DCHS2: variants seen among roughly 807,000 people sequenced by gnomAD.
DCHS2 encodes protocadherin-23.
Under a neutral mutation model 182.4 loss-of-function variants are expected in DCHS2, and 142 were observed. That is an observed-to-expected ratio of 0.78 (90% CI 0.68 to 0.89). The LOEUF (loss-of-function observed/expected upper bound fraction) is 0.89. DCHS2 is among the 40% of genes least tolerant of loss of function. The pLI, the probability that DCHS2 is intolerant of heterozygous loss-of-function variation, is 0.00. For synonymous variants in DCHS2, 1,740 were observed against 1,663.3 expected (o/e 1.05, Z -1.12); for missense variants, 4,319 against 4,198.6 (o/e 1.03, Z -0.79).
At chr4:154,440,588 T>C (rs1733967727) in intron 1 of DCHS2, among the ~76,000 whole-genome samples, 1 of 152,210 alleles carries the variant, frequency 6.6e-6, no homozygotes, top group Non-Finnish European at 1.5e-5. Context: ...TCATAATTTT[T>C]TTTTATTTCC....
chr4:154,297,844 C>T lies in DCHS2; in HGVS notation c.6463+7G>A, dbSNP rs1262064692. ...ACAATATATGAAAAACTTGAAGGGA[C>T]ACTCACCTGCCTCACAATTTTCAGT... On this transcript the variant is annotated splice_region_variant and intron_variant, in intron 13 of 19. Transcript: ENST00000357232. 1 of 1,599,914 alleles carries T rather than the reference C, an allele frequency of 6.3e-7. No individual in the cohort carries two copies. Among genetic ancestry groups the T allele is most frequent in the Non-Finnish European group, 8.5e-7 (1 of 1,172,778 alleles).
chr4:154,398,906 T>C (rs1293103877), intron 1 of DCHS2, among the ~76,000 whole-genome samples: 1 of 152,216 alleles, frequency 6.6e-6, no homozygotes, highest in Non-Finnish European at 1.5e-5. Context: ...GCAGAGGCTT[T>C]AAAAGGACAG....
intron 10 of DCHS2, among the ~76,000 whole-genome samples, chr4:154,306,962 T>C (rs1395672125): frequency 6.6e-6 from 1 of 152,164 alleles, no homozygotes; most frequent in Non-Finnish European, 1.5e-5. Context: ...TGTTCTATTA[T>C]TCTATACAGG....
intron 1 of DCHS2, among the ~76,000 whole-genome samples, chr4:154,397,813 TGAG>T (rs1445274369): frequency 4.6e-5 from 7 of 152,180 alleles, no homozygotes; most frequent in African/African-American, 1.7e-4. Context: ...CTTCTCAAAA[TGAG>T]GAGATGAGGG....
At chr4:154,290,776 C>T (rs1175079923) in intron 13 of DCHS2, among the ~76,000 whole-genome samples, 1 of 152,024 alleles carries the variant, frequency 6.6e-6, no homozygotes, top group East Asian at 1.9e-4. Context: ...TCACCACATA[C>T]AAAAATTAAA....
intron 13 of DCHS2, among the ~76,000 whole-genome samples, chr4:154,276,531 T>A (rs10517590): frequency 0.57 from 86,048 of 152,028 alleles, 24,777 homozygotes; most frequent in African/African-American, 0.63. Flanking sequence ...TTTATGTTTG[T>A]TATTCCTAAG....
intron 1 of DCHS2, among the ~76,000 whole-genome samples, chr4:154,400,436 C>T (rs1470650471): frequency 6.7e-6 from 1 of 149,688 alleles, no homozygotes; most frequent in African/African-American, 2.4e-5. Flanking sequence ...TCTTCAGTAA[C>T]CACCCATCGA....
intron 1 of DCHS2, among the ~76,000 whole-genome samples, chr4:154,379,309 G>A (rs1010520357): frequency 3.3e-5 from 5 of 152,204 alleles, no homozygotes; most frequent in East Asian, 1.9e-4. Context: ...CCCAGAAGCC[G>A]TGCTCAGCTC....
intron 1 of DCHS2, chr4:154,486,437 G>T: frequency 7.7e-7 from 1 of 1,304,618 alleles, no homozygotes; most frequent in Non-Finnish European, 1.0e-6. Flanking sequence ...TTATCTTACA[G>T]GAAATCTAGG....
chr4:154,243,071 G>A (rs961592328), intron 16 of DCHS2, among the ~76,000 whole-genome samples: 3 of 152,082 alleles, frequency 2.0e-5, no homozygotes, highest in Non-Finnish European at 4.4e-5. Context: ...CCTGTCCTGT[G>A]AAGAATAATC....
intron 12 of DCHS2, among the ~76,000 whole-genome samples, chr4:154,299,509 C>T (rs181600790): frequency 1.9e-3 from 283 of 152,096 alleles, no homozygotes; most frequent in Middle Eastern, 3.4e-3. Flanking sequence ...AAGAGCAGGC[C>T]CAATAGTGTG....
intron 1 of DCHS2, among the ~76,000 whole-genome samples, chr4:154,378,662 T>A (rs1731036704): frequency 6.6e-6 from 1 of 152,156 alleles, no homozygotes; most frequent in African/African-American, 2.4e-5. Flanking sequence ...ACTCTTCAGA[T>A]CAGACAAGTC....
intron 3 of DCHS2, among the ~76,000 whole-genome samples, chr4:154,364,111 T>C (rs558913791): frequency 6.6e-6 from 1 of 152,330 alleles, no homozygotes; most frequent in East Asian, 1.9e-4. Context: ...CCATATAAAT[T>C]TGGTCTTTGC....
At chr4:154,248,006 G>A (rs1732164874) in intron 16 of DCHS2, among the ~76,000 whole-genome samples, 1 of 152,152 alleles carries the variant, frequency 6.6e-6, no homozygotes, top group African/African-American at 2.4e-5. Context: ...AGGGCATAAA[G>A]CAGTAGGAAC....
chr4:154,366,511 T>C (rs1371816643), intron 2 of DCHS2, 70 bp from the exon 3 acceptor site: 5 of 1,015,096 alleles, frequency 4.9e-6, no homozygotes, highest in South Asian at 1.4e-5. Flanking sequence ...TAATTGACAA[T>C]GGCCCTACAA....
chr4:154,343,461 T>C (rs1336413701), intron 3 of DCHS2: 12 of 1,435,720 alleles, frequency 8.4e-6, no homozygotes, highest in Non-Finnish European at 1.1e-5. Context: ...TTGTTTAGTG[T>C]AACCACCTTC....
At chr4:154,250,104 C>T (rs993207153) in intron 16 of DCHS2, among the ~76,000 whole-genome samples, 3 of 152,090 alleles carry the variant, frequency 2.0e-5, no homozygotes, top group South Asian at 2.1e-4. Flanking sequence ...GAAATGTGAG[C>T]ATCCATGGAT....
chr4:154,414,038 TC>T (rs930715432), intron 1 of DCHS2, among the ~76,000 whole-genome samples: 9 of 152,062 alleles, frequency 5.9e-5, no homozygotes, highest in African/African-American at 1.9e-4. Flanking sequence ...ACTCTTCTCC[TC>T]CCTACAAAAA....
At chr4:154,456,089 A>T (rs1359083690) in intron 1 of DCHS2, among the ~76,000 whole-genome samples, 11 of 133,998 alleles carry the variant, frequency 8.2e-5, no homozygotes, top group African/African-American at 2.9e-4. Flanking sequence ...GACTCCATTT[A>T]AAAAAAAAAA....
Sources: gnomAD v4.1 joint callset for allele counts (sites outside exome capture counted in the v4.1 genomes callset) on GRCh38, gnomAD v4.1.1 for gene constraint, MANE v1.5 for transcripts, NCBI Gene and HGNC (gene_info 2026-07-23, HGNC 2026-07-21) for gene names.